The following PAX7 variants were observed in gnomAD, a reference collection of about 807,000 sequenced individuals.
The protein encoded by PAX7 is paired box protein Pax-7.
A neutral mutation model predicts 50.7 loss-of-function variants in PAX7; 18 were observed. The ratio of observed to expected loss-of-function variants is 0.36; its 90% CI spans 0.25 to 0.53. The LOEUF (loss-of-function observed/expected upper bound fraction) is 0.53, where lower values mean the gene tolerates loss of function less well. Among genes scored for constraint, PAX7 ranks in the 20% least tolerant of loss-of-function variants. The pLI, the probability that PAX7 is intolerant of heterozygous loss-of-function variation, is 0.93. For synonymous variants in PAX7, 310 were observed against 290.4 expected (o/e 1.07, Z -0.69); for missense variants, 644 against 702.9 (o/e 0.92, Z 0.95).
At chr1:18,701,307 A>G (rs1310429553) in intron 6 of PAX7, among the ~76,000 whole-genome samples, 1 of 152,008 alleles carries the variant, frequency 6.6e-6, no homozygotes, top group African/African-American at 2.4e-5. Flanking sequence ...CATGAGTACA[A>G]ATGTGCGTGT....
At chr1:18,738,796 AGG>A (rs1441037393) in intron 8 of PAX7, among the ~76,000 whole-genome samples, 1 of 152,156 alleles carries the variant, frequency 6.6e-6, no homozygotes, top group Non-Finnish European at 1.5e-5. Context: ...CAATTAGTGC[AGG>A]CAGCCACACA....
chr1:18,678,994 T>C (rs116567327), intron 4 of PAX7, among the ~76,000 whole-genome samples: 3,233 of 152,308 alleles, frequency 0.021, 48 homozygotes, highest in Middle Eastern at 0.11. Flanking sequence ...TTCACACCTG[T>C]AAAATGGGGC....
intron 7 of PAX7, 141 bp downstream of exon 7, chr1:18,703,437 C>T (rs1439623868): frequency 2.8e-6 from 2 of 723,818 alleles, no homozygotes; most frequent in Non-Finnish European, 4.7e-6. Flanking sequence ...ATCAGGAATC[C>T]TCCCTGGACT....
chr1:18,696,311 C>T (rs1167940328), intron 5 of PAX7, among the ~76,000 whole-genome samples: 2 of 152,138 alleles, frequency 1.3e-5, no homozygotes, highest in African/African-American at 4.8e-5. Flanking sequence ...AGGTGATCTG[C>T]TGGTCTTGGC....
At chr1:18,675,646 A>T (rs759563033) in intron 4 of PAX7, among the ~76,000 whole-genome samples, 11 of 152,186 alleles carry the variant, frequency 7.2e-5, no homozygotes, top group Non-Finnish European at 1.2e-4. Context: ...ACTCTTAGCC[A>T]GGAAGCCGAA....
chr1:18,678,276 T>C (rs1391382562), intron 4 of PAX7, among the ~76,000 whole-genome samples: 1 of 151,672 alleles, frequency 6.6e-6, no homozygotes, highest in East Asian at 1.9e-4. Context: ...CTGAGCATGG[T>C]GGTGCATGCC....
intron 7 of PAX7, among the ~76,000 whole-genome samples, chr1:18,711,415 C>T (rs2100345687): frequency 6.6e-6 from 1 of 152,308 alleles, no homozygotes; most frequent in African/African-American, 2.4e-5. Flanking sequence ...ACTGCCATCC[C>T]TTCTGTTTCC....
chr1:18,662,281 C>T (rs2088611141), intron 4 of PAX7, among the ~76,000 whole-genome samples: 1 of 152,166 alleles, frequency 6.6e-6, no homozygotes, highest in African/African-American at 2.4e-5. Context: ...GTGATCTTGC[C>T]TTCAAAACGG....
In PAX7 at chr1:18,748,187, G is replaced by C. The variant is rs1476875604; in HGVS notation, c.*3258G>C. On this transcript the variant is annotated 3_prime_UTR_variant, in exon 9 of 9. Coordinates refer to ENST00000420770, the MANE Select transcript of PAX7 (RefSeq NM_001135254.2). ...AAAACGAAGAGCCAGATTGAAATCTGACTCTGGCTTGAGAACAGGACGGGT... is the reference window on the plus strand; with the variant it reads ...AAAACGAAGAGCCAGATTGAAATCTCACTCTGGCTTGAGAACAGGACGGGT... The C allele has an allele frequency of 2.2e-5, 5 of 223,976 alleles. No individual in the cohort carries two copies. Among genetic ancestry groups the C allele is most frequent in the Non-Finnish European group, 1.8e-5 (2 of 112,368 alleles). The allele number at this position is 223,976 out of a possible 1,614,324, so 13.9% of individuals were successfully genotyped here. A position where few individuals can be genotyped will look rare whatever the true frequency, so the allele number is the denominator to read the frequency against.
At chr1:18,733,613 C>G (rs2089675094) in intron 7 of PAX7, among the ~76,000 whole-genome samples, 1 of 152,134 alleles carries the variant, frequency 6.6e-6, no homozygotes, top group African/African-American at 2.4e-5. Flanking sequence ...ACCCCCAGGG[C>G]TGAGGGCATG....
intron 4 of PAX7, among the ~76,000 whole-genome samples, chr1:18,655,770 G>GGTGT (rs549280757): frequency 0.25 from 35,358 of 143,438 alleles, 4,318 homozygotes; most frequent in Middle Eastern, 0.32. Context: ...ACTTGGAGAG[G>GGTGT]GTGTGTGTGT....
Position 18,636,100 on chromosome 1 carries a change from C to T in PAX7, c.452-137C>T. On this transcript the variant is annotated intron_variant, in intron 3 of 8. Coordinates refer to ENST00000420770, the MANE Select transcript of PAX7 (RefSeq NM_001135254.2). The surrounding 1 kb of genome is among the most constrained non-coding windows in gnomAD (Gnocchi z 5.1). ...TGGAGTACGTGTCAATGCCTAAATG[C>T]CTGTGTGTGGAAGAGGGATGAATGG... The T allele has an allele frequency of 1.1e-6, 1 of 883,970 alleles. No homozygotes were observed. Among genetic ancestry groups the T allele is most frequent in the South Asian group, 1.7e-5 (1 of 59,986 alleles). The allele number at this position is 883,970 out of a possible 1,614,324, so 54.8% of individuals were successfully genotyped here.
At chr1:18,743,895 T>A (rs1931284440) in intron 8 of PAX7, among the ~76,000 whole-genome samples, 1 of 152,232 alleles carries the variant, frequency 6.6e-6, no homozygotes, top group Admixed American at 6.5e-5. Flanking sequence ...CATATGTGCA[T>A]GTGTGTGTGC....
intron 4 of PAX7, among the ~76,000 whole-genome samples, chr1:18,645,601 T>C (rs903776223): frequency 2.0e-4 from 30 of 152,330 alleles, no homozygotes; most frequent in African/African-American, 7.0e-4. Context: ...CCGAGGTCTT[T>C]CGGTGACTGG....
intron 4 of PAX7, among the ~76,000 whole-genome samples, chr1:18,652,546 A>C (rs2088450142): frequency 6.6e-6 from 1 of 152,220 alleles, no homozygotes; most frequent in African/African-American, 2.4e-5. Flanking sequence ...TGCCACCAGA[A>C]GAGGTGATAT....
At chr1:18,740,134 CAG>C (rs1344179348) in intron 8 of PAX7, among the ~76,000 whole-genome samples, 2 of 152,192 alleles carry the variant, frequency 1.3e-5, no homozygotes, top group Non-Finnish European at 2.9e-5. Flanking sequence ...TGCGGAGAGA[CAG>C]AGGGACAGGG....
intron 6 of PAX7, among the ~76,000 whole-genome samples, chr1:18,701,410 GT>G (rs531805053): frequency 5.3e-4 from 81 of 151,878 alleles, no homozygotes; most frequent in African/African-American, 1.9e-3. Context: ...GAGTGTGTGC[GT>G]ATGAGTGAGT....
intron 5 of PAX7, among the ~76,000 whole-genome samples, chr1:18,693,348 C>G (rs2236827): frequency 0.057 from 8,649 of 152,184 alleles, 426 homozygotes; most frequent in East Asian, 0.25. Flanking sequence ...CTTGTCGGGT[C>G]AGCGTGGTCA....
At position 18,716,871 on chromosome 1, in the gene PAX7, C is replaced by CT. The variant is rs1218459638; in HGVS notation, c.1155+13575_1155+13576insT. 7.9e-5 allele frequency among the ~76,000 whole-genome samples: 12 copies of CT among 152,062 alleles called. No homozygotes were observed. The East Asian group carries it at 2.1e-3, about 27-fold the overall frequency. On this transcript the variant is annotated intron_variant, in intron 7 of 8. Transcript: ENST00000420770. ...CCCTTGCCCTTGCCCTCTCCCCCACCCCCGTGTCCCCTTTCCGAATTCCTC... is the reference window on the plus strand; with the variant it reads ...CCCTTGCCCTTGCCCTCTCCCCCACCTCCCGTGTCCCCTTTCCGAATTCCTC...
Sources: allele counts gnomAD v4.1 joint callset (sites outside exome capture counted in the v4.1 genomes callset), GRCh38; gene constraint gnomAD v4.1.1; non-coding constraint Gnocchi (gnomAD v3.1); transcripts MANE v1.5; gene names NCBI Gene and HGNC (gene_info 2026-07-23, HGNC 2026-07-21).